Variants in NCALD observed in about 807,000 individuals in gnomAD.
NCALD encodes neurocalcin delta, also known as neurocalcin-delta.
Under a neutral mutation model 18.6 loss-of-function variants are expected in NCALD, and 10 were observed. That is an observed-to-expected ratio of 0.54 (90% CI 0.33 to 0.91). NCALD has a LOEUF of 0.91. Ranked by LOEUF, NCALD falls within the 40% of genes least tolerant of loss-of-function variation. The probability of loss-of-function intolerance (pLI) is 0.03; values close to 1 mark genes in which losing one functional copy is unlikely to be tolerated. For synonymous variants in NCALD, 88 were observed against 87.4 expected (o/e 1.01, Z -0.04); for missense variants, 184 against 247.6 (o/e 0.74, Z 1.72).
At chr8:102,003,726 ACG>A (rs1563531163) in intron 2 of NCALD, among the ~76,000 whole-genome samples, 1 of 152,262 alleles carries the variant, frequency 6.6e-6, no homozygotes, top group African/African-American at 2.4e-5. Context: ...GGTTCAACAT[ACG>A]CAAATCAATA....
chr8:101,792,033 A>T (rs999304490), upstream of NCALD, among the ~76,000 whole-genome samples: 1 of 152,222 alleles, frequency 6.6e-6, no homozygotes, highest in Non-Finnish European at 1.5e-5. Flanking sequence ...GAAACTCACA[A>T]GAAGGTACTC....
chr8:102,028,221 A>G (rs548298220), intron 1 of NCALD, among the ~76,000 whole-genome samples: 3 of 152,354 alleles, frequency 2.0e-5, no homozygotes, highest in Middle Eastern at 3.4e-3. Context: ...ATGAACAGTT[A>G]TGCATACATC....
intron 1 of NCALD, among the ~76,000 whole-genome samples, chr8:101,780,154 A>G (rs1026146366): frequency 6.6e-6 from 1 of 152,158 alleles, no homozygotes; most frequent in Admixed American, 6.5e-5. Context: ...GTTATTTAAA[A>G]TGAATATGAA....
chr8:101,975,648 A>C (rs1248906878), intron 2 of NCALD, among the ~76,000 whole-genome samples: 2 of 152,186 alleles, frequency 1.3e-5, no homozygotes, highest in East Asian at 1.9e-4. Flanking sequence ...AGCTGCTGCA[A>C]GTGAGCAGCA....
chr8:101,711,409 G>C (rs146346050), intron 2 of NCALD, among the ~76,000 whole-genome samples: 1 of 151,976 alleles, frequency 6.6e-6, no homozygotes, highest in Non-Finnish European at 1.5e-5. Context: ...AAAACTGGAC[G>C]GAGAATGAGT....
chr8:101,698,177 T>C (rs1157995071), intron 2 of NCALD, among the ~76,000 whole-genome samples: 3 of 152,128 alleles, frequency 2.0e-5, no homozygotes, highest in African/African-American at 7.2e-5. Context: ...TGAACTCCCA[T>C]TCACAATTGC....
At chr8:101,864,445 G>A (rs997004541) in intron 4 of NCALD, among the ~76,000 whole-genome samples, 1 of 152,226 alleles carries the variant, frequency 6.6e-6, no homozygotes, top group African/African-American at 2.4e-5. Flanking sequence ...AAATGCCAAC[G>A]GAGTAAAGGA....
At chr8:102,074,557 C>G (rs1320901649) in intron 1 of NCALD, among the ~76,000 whole-genome samples, 2 of 152,080 alleles carry the variant, frequency 1.3e-5, no homozygotes, top group African/African-American at 2.4e-5. Context: ...TTTTTGTGCC[C>G]CAAACCCAGA....
chr8:101,899,275 A>G (rs571673), intron 3 of NCALD, among the ~76,000 whole-genome samples: 61,051 of 151,846 alleles, frequency 0.4, 15,647 homozygotes, highest in African/African-American at 0.72. Context: ...ATTAGTTCTA[A>G]GAGGTTTTTT....
intron 1 of NCALD, among the ~76,000 whole-genome samples, chr8:101,735,039 G>A (rs1343140976): frequency 2.0e-5 from 3 of 152,170 alleles, no homozygotes; most frequent in Non-Finnish European, 4.4e-5. Flanking sequence ...AGAACAAGAG[G>A]AAGGAAAACA....
At chr8:101,891,933 G>A (rs559407011) in intron 3 of NCALD, among the ~76,000 whole-genome samples, 2 of 152,326 alleles carry the variant, frequency 1.3e-5, no homozygotes, top group African/African-American at 4.8e-5. Context: ...GCGAGGCTGG[G>A]GGAGGGGCGC....
intron 1 of NCALD, among the ~76,000 whole-genome samples, chr8:102,119,544 TAAG>T (rs1825884291): frequency 6.6e-6 from 1 of 152,222 alleles, no homozygotes; most frequent in African/African-American, 2.4e-5. Flanking sequence ...ACTGTACGTT[TAAG>T]AATGGTTAAA....
At chr8:102,043,398 C>A (rs1450317836) in intron 1 of NCALD, among the ~76,000 whole-genome samples, 1 of 151,724 alleles carries the variant, frequency 6.6e-6, no homozygotes, top group Non-Finnish European at 1.5e-5. Flanking sequence ...GAGTTGACGG[C>A]TCTCTTGCCC....
At chr8:102,074,215 A>C (rs1250348546) in intron 1 of NCALD, among the ~76,000 whole-genome samples, 1 of 152,180 alleles carries the variant, frequency 6.6e-6, no homozygotes, top group African/African-American at 2.4e-5. Flanking sequence ...GGAAAAAATC[A>C]CCCAATCATC....
At chr8:101,922,152 C>T (rs1257460056) in intron 2 of NCALD, among the ~76,000 whole-genome samples, 1 of 136,040 alleles carries the variant, frequency 7.4e-6, no homozygotes. Context: ...TGAGATTTTA[C>T]TGAAAAAAAA....
intron 2 of NCALD, among the ~76,000 whole-genome samples, chr8:102,015,420 T>C (rs1350790559): frequency 1.3e-5 from 2 of 152,176 alleles, no homozygotes; most frequent in African/African-American, 4.8e-5. Context: ...CCTCTCAGTT[T>C]TCCTATTAAG....
chr8:102,058,202 G>A (rs781106736), intron 1 of NCALD, among the ~76,000 whole-genome samples: 8 of 152,140 alleles, frequency 5.3e-5, no homozygotes, highest in East Asian at 1.9e-4. Flanking sequence ...TTATTTTACC[G>A]CACAGGGACA....
chr8:102,051,617 A>G (rs1043014645), intron 1 of NCALD, among the ~76,000 whole-genome samples: 3 of 152,230 alleles, frequency 2.0e-5, no homozygotes, highest in African/African-American at 7.2e-5. Flanking sequence ...ACTCATTTAC[A>G]TGGATGAATC....
chr8:101,925,279 G>A (rs1357168084), intron 2 of NCALD, among the ~76,000 whole-genome samples: 1 of 152,076 alleles, frequency 6.6e-6, no homozygotes, highest in Non-Finnish European at 1.5e-5. Context: ...CTGACAGCCA[G>A]ACTATAAGGG....
Sources: allele counts gnomAD v4.1 joint callset (sites outside exome capture counted in the v4.1 genomes callset), GRCh38; gene constraint gnomAD v4.1.1; transcripts MANE v1.5; gene names NCBI Gene and HGNC (gene_info 2026-07-23, HGNC 2026-07-21).